Variants in MED13L observed in about 807,000 individuals in gnomAD.
The protein encoded by MED13L is mediator complex subunit 13L.
Under a neutral mutation model 220.9 loss-of-function variants are expected in MED13L, and 7 were observed. The observed-to-expected ratio is 0.03, with a 90% confidence interval of 0.02 to 0.06. The LOEUF (loss-of-function observed/expected upper bound fraction) is 0.06. Ranked by LOEUF, MED13L falls within the 10% of genes least tolerant of loss-of-function variation. The pLI is 1.00. For synonymous variants in MED13L, 1,011 were observed against 1,015.2 expected (o/e 1.00, Z 0.08); for missense variants, 1,965 against 2,760.5 (o/e 0.71, Z 6.46).
intron 2 of MED13L, among the ~76,000 whole-genome samples, chr12:116,120,471 T>TCACA (rs1253496644): frequency 2.7e-4 from 31 of 114,576 alleles, no homozygotes; most frequent in East Asian, 1.7e-3. Flanking sequence ...TCTCTCTCTC[T>TCACA]CTCTCTCACA....
At chr12:116,249,734 CAAAA>C (rs58809334) in intron 1 of MED13L, among the ~76,000 whole-genome samples, 3 of 19,614 alleles carry the variant, frequency 1.5e-4, no homozygotes, top group African/African-American at 6.9e-4. Flanking sequence ...AGTACCTACC[CAAAA>C]AAAAAAAAAA....
At chr12:116,066,601 A>G (rs941877938) in intron 4 of MED13L, among the ~76,000 whole-genome samples, 1 of 152,128 alleles carries the variant, frequency 6.6e-6, no homozygotes, top group African/African-American at 2.4e-5. Context: ...ATATACTTCT[A>G]TACTGTTAAA....
rs368878357 is a variant in MED13L at position 115,991,600 on chromosome 12, G to A, written c.3354C>T (p.Ser1118=). 4.4e-5 allele frequency: 71 copies of A among 1,614,096 alleles called. No individual in the cohort carries two copies. The highest frequency in any genetic ancestry group is 5.4e-5 in the Non-Finnish European group (64 of 1,180,004). Residue 1118 remains serine, a synonymous_variant, in exon 17 of 31, where the codon TCC becomes TCT. Transcript: ENST00000281928. This position sits in a 1 kb window ranked among gnomAD's most constrained non-coding sequence, Gnocchi z 7.7. ...TTCTGTCTTTAAAGATATTCATCAC[G>A]GAATCGGAGAGAATCAGGGTAACAT... ...SLYVTLILSD[S]VMNIFKDRNF... is the part of the protein sequence containing the mutation.
At chr12:116,186,240 C>G (rs1373880482) in intron 2 of MED13L, among the ~76,000 whole-genome samples, 1 of 152,126 alleles carries the variant, frequency 6.6e-6, no homozygotes, top group Non-Finnish European at 1.5e-5. Context: ...AGTTGTGTAT[C>G]TTCATGTTTT....
chr12:115,998,563 C>T (rs978359686), intron 14 of MED13L, among the ~76,000 whole-genome samples: 40 of 152,180 alleles, frequency 2.6e-4, no homozygotes, highest in African/African-American at 9.4e-4. Context: ...AGATGGATGA[C>T]TCTCAATGGG....
intron 2 of MED13L, among the ~76,000 whole-genome samples, chr12:116,222,725 T>C (rs887210277): frequency 6.6e-6 from 1 of 152,222 alleles, no homozygotes; most frequent in African/African-American, 2.4e-5. Context: ...GTTTAACATG[T>C]ATGTACCTTA....
chr12:116,132,477 A>T, intron 2 of MED13L, among the ~76,000 whole-genome samples: 1 of 152,142 alleles, frequency 6.6e-6, no homozygotes, highest in Non-Finnish European at 1.5e-5. Context: ...CGGATACTAC[A>T]AAACATTAGC....
chr12:116,122,752 G>T (rs1056630865), intron 2 of MED13L, among the ~76,000 whole-genome samples: 2 of 152,120 alleles, frequency 1.3e-5, no homozygotes, highest in African/African-American at 4.8e-5. Context: ...GCCAGTTGCA[G>T]GATAACCAGA....
intron 4 of MED13L, among the ~76,000 whole-genome samples, chr12:116,040,594 C>A (rs1344559965): frequency 6.6e-6 from 1 of 152,088 alleles, no homozygotes; most frequent in Non-Finnish European, 1.5e-5. Flanking sequence ...TCCATCAGAT[C>A]TACCACTTTC....
intron 1 of MED13L, among the ~76,000 whole-genome samples, chr12:116,248,402 G>C (rs928340323): frequency 6.6e-6 from 1 of 152,032 alleles, no homozygotes; most frequent in Non-Finnish European, 1.5e-5. Context: ...ATAGATATGG[G>C]GGGTTAAGGA....
chr12:116,106,295 AATATTAT>A (rs1349829359), intron 3 of MED13L, among the ~76,000 whole-genome samples: 1 of 152,198 alleles, frequency 6.6e-6, no homozygotes, highest in Non-Finnish European at 1.5e-5. Flanking sequence ...TGGGGAATTC[AATATTAT>A]ATATTAAGAA....
At chr12:116,226,354 T>TAAAAC (rs1868991623) in intron 2 of MED13L, among the ~76,000 whole-genome samples, 1 of 152,076 alleles carries the variant, frequency 6.6e-6, no homozygotes, top group Non-Finnish European at 1.5e-5. Flanking sequence ...ATACTAAGAG[T>TAAAAC]GCATTTTATC....
rs1321266215 is a variant in MED13L at position 116,227,046 on chromosome 12, T to C, written c.310+10422A>G. Among the ~76,000 whole-genome samples, 4 of 151,878 alleles carry C rather than the reference T, an allele frequency of 2.6e-5. No homozygotes were observed. The South Asian group carries it at 8.3e-4, about 32-fold the overall frequency. ...CATTTGCTCAGCCATCATAAAACAATACCAAGTGGAAACCATCTGTAATTA... is the reference window on the plus strand; with the variant it reads ...CATTTGCTCAGCCATCATAAAACAACACCAAGTGGAAACCATCTGTAATTA... On this transcript the variant is annotated intron_variant, in intron 2 of 30. Coordinates refer to ENST00000281928, the MANE Select transcript of MED13L (RefSeq NM_015335.5).
chr12:116,271,956 C>T (rs972889664), intron 1 of MED13L, among the ~76,000 whole-genome samples: 2 of 151,958 alleles, frequency 1.3e-5, no homozygotes, highest in African/African-American at 4.8e-5. Context: ...AGAAGGGGAA[C>T]ATTGTTATTA....
chr12:116,112,129 G>A (rs2137903139), intron 2 of MED13L, among the ~76,000 whole-genome samples: 1 of 152,138 alleles, frequency 6.6e-6, no homozygotes, highest in East Asian at 1.9e-4. Context: ...TTATAACATT[G>A]AGCCACAAGT....
At position 116,233,901 on chromosome 12, in the gene MED13L, CTCAGACTATT is replaced by C. The variant is rs560780337; in HGVS notation, c.310+3557_310+3566del. Among the ~76,000 whole-genome samples the C allele has an allele frequency of 3.6e-3, 544 of 152,276 alleles. 1 individual carries two copies. The highest frequency in any genetic ancestry group is 0.01 in the Middle Eastern group (3 of 292). ...GATTATAAATGTGTTATAGCCTTCT[CTCAGACTATT>C]TCAGAGATATGTCAAGCAATTAAAC... On this transcript the variant is annotated intron_variant, in intron 2 of 30. Coordinates refer to ENST00000281928, the MANE Select transcript of MED13L (RefSeq NM_015335.5).
At chr12:116,179,772 A>G (rs1001817721) in intron 2 of MED13L, among the ~76,000 whole-genome samples, 2 of 152,076 alleles carry the variant, frequency 1.3e-5, no homozygotes, top group Non-Finnish European at 2.9e-5. Context: ...GATGAGGGCA[A>G]AGTCTTACAT....
At chr12:116,118,803 G>C (rs147422709) in intron 2 of MED13L, among the ~76,000 whole-genome samples, 1 of 152,176 alleles carries the variant, frequency 6.6e-6, no homozygotes, top group South Asian at 2.1e-4. Flanking sequence ...ACCAGGCTAA[G>C]AACTAGGAAT....
intron 18 of MED13L, 107 bp downstream of exon 18, chr12:115,987,002 G>C (rs1229302323): frequency 2.6e-6 from 3 of 1,138,198 alleles, no homozygotes; most frequent in Admixed American, 4.6e-5. Context: ...CAAAGAAAAA[G>C]ACTCCCCTAT....
Sources: gnomAD v4.1 joint callset for allele counts (sites outside exome capture counted in the v4.1 genomes callset) on GRCh38, gnomAD v4.1.1 for gene constraint, Gnocchi (gnomAD v3.1) non-coding constraint, MANE v1.5 for transcripts, NCBI Gene and HGNC (gene_info 2026-07-23, HGNC 2026-07-21) for gene names.